THRB: variants seen among roughly 807,000 people sequenced by gnomAD.
The protein encoded by THRB is thyroid hormone receptor beta.
THRB carries 12 observed loss-of-function variants against 47.8 expected under a neutral mutation model. The observed-to-expected ratio is 0.25, with a 90% confidence interval of 0.16 to 0.41. The LOEUF (loss-of-function observed/expected upper bound fraction) is 0.41, where lower values mean the gene tolerates loss of function less well. Among genes scored for constraint, THRB ranks in the 10% least tolerant of loss-of-function variants. The probability of loss-of-function intolerance (pLI) is 1.00; values close to 1 mark genes in which losing one functional copy is unlikely to be tolerated. For synonymous variants in THRB, 218 were observed against 212.2 expected (o/e 1.03, Z -0.24); for missense variants, 348 against 589.2 (o/e 0.59, Z 4.24).
intron 3 of THRB, among the ~76,000 whole-genome samples, chr3:24,269,171 C>T (rs1176354758): frequency 1.3e-5 from 2 of 152,088 alleles, no homozygotes; most frequent in East Asian, 1.9e-4. Flanking sequence ...ATTAAAGTCA[C>T]AGAAACATAA....
intron 2 of THRB, among the ~76,000 whole-genome samples, chr3:24,307,119 G>A (rs189004627): frequency 2.4e-4 from 36 of 151,900 alleles, no homozygotes; most frequent in Non-Finnish European, 4.0e-4. Flanking sequence ...AACTAAACAA[G>A]TATATACTCA....
chr3:24,300,193 C>T (rs565877779), intron 2 of THRB, among the ~76,000 whole-genome samples: 18 of 152,108 alleles, frequency 1.2e-4, no homozygotes, highest in Non-Finnish European at 2.1e-4. Flanking sequence ...GCTGGTTACA[C>T]GTGACTTTGC....
At chr3:24,227,894 G>C (rs2047834868) in intron 4 of THRB, among the ~76,000 whole-genome samples, 1 of 152,180 alleles carries the variant, frequency 6.6e-6, no homozygotes, top group Non-Finnish European at 1.5e-5. Flanking sequence ...AAGGTATATA[G>C]CTGAGGTCAT....
intron 1 of THRB, among the ~76,000 whole-genome samples, chr3:24,451,471 G>A (rs146773492): frequency 0.016 from 2,409 of 152,090 alleles, 25 homozygotes; most frequent in Non-Finnish European, 0.026. Context: ...TCCTGACCTC[G>A]TGATCCACCC....
intron 1 of THRB, among the ~76,000 whole-genome samples, chr3:24,485,651 A>C (rs1471585107): frequency 6.6e-6 from 1 of 152,218 alleles, no homozygotes; most frequent in Non-Finnish European, 1.5e-5. Flanking sequence ...TGCCTGCTCC[A>C]ATGGCCTCAT....
intron 1 of THRB, among the ~76,000 whole-genome samples, chr3:24,398,915 C>T (rs1373353932): frequency 7.2e-5 from 11 of 152,120 alleles, no homozygotes. Flanking sequence ...ATGATGAGTT[C>T]ATGTCCTTTG....
At chr3:24,473,196 G>A (rs1199244543) in intron 1 of THRB, among the ~76,000 whole-genome samples, 1 of 152,180 alleles carries the variant, frequency 6.6e-6, no homozygotes, top group Non-Finnish European at 1.5e-5. Flanking sequence ...ATTTTATTCT[G>A]AGAACCTAGC....
rs76464833 is a variant in THRB, at chr3:24,180,611, T to C, written c.283+9463A>G. 6.1e-3 allele frequency among the ~76,000 whole-genome samples: 931 copies of C among 152,342 alleles called. 13 individuals carry two copies. Among genetic ancestry groups the C allele is most frequent in the African/African-American group, 0.021 (863 of 41,576 alleles). The stretch of plus-strand genomic sequence containing the variant: ...TCTAATCTTACTTGAAAAGCTCAGC[T>C]GTTTCTGAATTTCTGGGACCCGGGC... On this transcript the variant is annotated intron_variant, in intron 5 of 10. Transcript: ENST00000646209.
intron 2 of THRB, among the ~76,000 whole-genome samples, chr3:24,328,450 CCCAAACTCA>C (rs1184898812): frequency 6.6e-6 from 1 of 152,106 alleles, no homozygotes; most frequent in Non-Finnish European, 1.5e-5. Context: ...AATGTCCAAA[CCCAAACTCA>C]CCTTCTCCAG....
intron 5 of THRB, among the ~76,000 whole-genome samples, chr3:24,175,417 A>T (rs1199899186): frequency 6.6e-6 from 1 of 152,222 alleles, no homozygotes; most frequent in African/African-American, 2.4e-5. Context: ...GACCAAAGGC[A>T]AATCATAAAG....
intron 1 of THRB, chr3:24,486,743 A>G (rs902575460): frequency 4.6e-5 from 7 of 152,226 alleles, no homozygotes; most frequent in African/African-American, 1.2e-4. Flanking sequence ...TTTATCATCT[A>G]CATAGGTCAT....
chr3:24,462,883 C>A (rs559489659), intron 1 of THRB, among the ~76,000 whole-genome samples: 17 of 152,114 alleles, frequency 1.1e-4, no homozygotes, highest in Non-Finnish European at 1.6e-4. Flanking sequence ...GGCAAGGCAC[C>A]CAGCTGAGAG....
chr3:24,274,071 C>A (rs1409832493), intron 3 of THRB, among the ~76,000 whole-genome samples: 7 of 152,090 alleles, frequency 4.6e-5, no homozygotes, highest in Non-Finnish European at 1.0e-4. Context: ...ACATTATGCT[C>A]ACCTGTGAAA....
At chr3:24,399,801 C>T (rs1049447914) in intron 1 of THRB, among the ~76,000 whole-genome samples, 2 of 152,002 alleles carry the variant, frequency 1.3e-5, no homozygotes, top group African/African-American at 4.8e-5. Context: ...GAACCATATC[C>T]CAGGTGTGCT....
At chr3:24,135,920 AAAATT>A (rs1381156299) in intron 8 of THRB, among the ~76,000 whole-genome samples, 1 of 150,186 alleles carries the variant, frequency 6.7e-6, no homozygotes, top group Non-Finnish European at 1.5e-5. Context: ...AAATAAAAAT[AAAATT>A]AAGAAGTGTA....
chr3:24,438,905 A>G (rs1228146064), intron 1 of THRB, among the ~76,000 whole-genome samples: 2 of 152,176 alleles, frequency 1.3e-5, no homozygotes, highest in African/African-American at 4.8e-5. Context: ...CCCACAAGCA[A>G]AGCCTGAGAG....
chr3:24,386,484 T>C (rs1197029966), intron 1 of THRB, among the ~76,000 whole-genome samples: 1 of 152,052 alleles, frequency 6.6e-6, no homozygotes, highest in African/African-American at 2.4e-5. Flanking sequence ...CCCAACCCCT[T>C]AGCTTGGTAT....
chr3:24,231,940 C>G (rs1196214680), intron 3 of THRB, among the ~76,000 whole-genome samples: 7 of 152,094 alleles, frequency 4.6e-5, no homozygotes, highest in Admixed American at 4.6e-4. Flanking sequence ...CTTTGTAGGT[C>G]AGTGAGGAGG....
intron 1 of THRB, among the ~76,000 whole-genome samples, chr3:24,467,523 A>G (rs531615958): frequency 6.6e-6 from 1 of 152,350 alleles, no homozygotes; most frequent in South Asian, 2.1e-4. Flanking sequence ...TAAGACAAAA[A>G]GAGTCAAAAT....
Sources: gnomAD v4.1 joint callset for allele counts (sites outside exome capture counted in the v4.1 genomes callset) on GRCh38, gnomAD v4.1.1 for gene constraint, MANE v1.5 for transcripts, NCBI Gene and HGNC (gene_info 2026-07-23, HGNC 2026-07-21) for gene names.